TBCD: variants seen among roughly 807,000 people sequenced by gnomAD.
TBCD encodes the protein tubulin folding cofactor D.
A neutral mutation model predicts 169.3 loss-of-function variants in TBCD; 105 were observed. That is an observed-to-expected ratio of 0.62 (90% CI 0.53 to 0.73). TBCD has a LOEUF of 0.73. Ranked by LOEUF, TBCD falls within the 30% of genes least tolerant of loss-of-function variation. TBCD has a pLI of 0.00. For synonymous variants in TBCD, 700 were observed against 643.9 expected (o/e 1.09, Z -1.32); for missense variants, 1,444 against 1,600.1 (o/e 0.90, Z 1.66).
chr17:82,931,504 G>A lies in TBCD; in HGVS notation c.3113+861G>A, dbSNP rs1020979739. The stretch of plus-strand genomic sequence containing the variant: ...GCCGGTCGCTCATTCCTCCGTGCCG[G>A]TCGCTCATTCCGCCTTGCCGTTCGC... On this transcript the variant is annotated intron_variant, in intron 33 of 38. Transcript: ENST00000355528. Among the ~76,000 whole-genome samples the A allele has an allele frequency of 2.6e-5, 4 of 152,248 alleles. No homozygotes were observed. In the South Asian group the frequency reaches 8.3e-4, roughly 32 times the overall value.
intron 13 of TBCD, among the ~76,000 whole-genome samples, chr17:82,815,804 T>G (rs2043240120): frequency 6.6e-6 from 1 of 152,196 alleles, no homozygotes; most frequent in Admixed American, 6.5e-5. Context: ...GCTTTGCACT[T>G]GGCATTTTGA....
At chr17:82,814,559 A>C (rs1320819500) in intron 12 of TBCD, among the ~76,000 whole-genome samples, 1 of 152,200 alleles carries the variant, frequency 6.6e-6, no homozygotes, top group East Asian at 1.9e-4. Context: ...TCTGTCACCC[A>C]GGCTAGAGTG....
At chr17:82,817,023 T>G (rs1393051183) in intron 13 of TBCD, among the ~76,000 whole-genome samples, 1 of 152,206 alleles carries the variant, frequency 6.6e-6, no homozygotes, top group Non-Finnish European at 1.5e-5. Context: ...TAAAAAAATA[T>G]TTTTTTAATT....
intron 9 of TBCD, among the ~76,000 whole-genome samples, chr17:82,803,415 C>T (rs1598596417): frequency 6.6e-6 from 1 of 152,224 alleles, no homozygotes; most frequent in African/African-American, 2.4e-5. Context: ...CTGACAGGTG[C>T]GTCTGAGTCT....
chr17:82,893,838 C>CT (rs2059305138), intron 17 of TBCD, among the ~76,000 whole-genome samples: 1 of 152,202 alleles, frequency 6.6e-6, no homozygotes. Flanking sequence ...CTTTACTACG[C>CT]TAGATAGGGG....
At chr17:82,809,947 T>C (rs1256396282) in intron 12 of TBCD, among the ~76,000 whole-genome samples, 165 bp downstream of exon 12, 3 of 152,236 alleles carry the variant, frequency 2.0e-5, no homozygotes, top group African/African-American at 7.2e-5. Context: ...TTGTTATTTC[T>C]GGTATGTTGC....
intron 37 of TBCD, among the ~76,000 whole-genome samples, chr17:82,940,870 C>T (rs1314570759): frequency 2.0e-5 from 3 of 152,018 alleles, no homozygotes; most frequent in East Asian, 1.9e-4. Flanking sequence ...GAGGCTGGGT[C>T]GGGGTGGCCT....
chr17:82,771,080 GAAA>G (rs1212711480), intron 5 of TBCD, among the ~76,000 whole-genome samples: 1 of 140,220 alleles, frequency 7.1e-6, no homozygotes, highest in East Asian at 2.0e-4. Context: ...GCCTGCCCCA[GAAA>G]AAAAGATCTT....
intron 7 of TBCD, among the ~76,000 whole-genome samples, chr17:82,788,973 T>A (rs1433181822): frequency 6.6e-6 from 1 of 152,204 alleles, no homozygotes; most frequent in East Asian, 1.9e-4. Flanking sequence ...TTGATTTCTC[T>A]TCAGATTTGG....
chr17:82,939,066 C>T (rs141523560), intron 36 of TBCD: 8 of 472,196 alleles, frequency 1.7e-5, no homozygotes, highest in Admixed American at 7.1e-5. Flanking sequence ...AGAGAGCAGG[C>T]GAGATTGCTT....
chr17:82,843,150 T>G (rs2054672343), intron 13 of TBCD, among the ~76,000 whole-genome samples: 1 of 152,192 alleles, frequency 6.6e-6, no homozygotes, highest in Non-Finnish European at 1.5e-5. Context: ...TGATTCCTGA[T>G]TCTTTCTCTC....
intron 14 of TBCD, among the ~76,000 whole-genome samples, chr17:82,875,635 C>A (rs1416993283): frequency 6.6e-6 from 1 of 152,192 alleles, no homozygotes; most frequent in East Asian, 1.9e-4. Context: ...GCCTGCAGAT[C>A]CGAGATCTCT....
chr17:82,813,454 G>A (rs1483994685), intron 12 of TBCD, among the ~76,000 whole-genome samples: 1 of 152,124 alleles, frequency 6.6e-6, no homozygotes, highest in Non-Finnish European at 1.5e-5. Flanking sequence ...CCATGGACAG[G>A]GTCCCCTGTC....
chr17:82,783,914 C>G (rs572298926), intron 7 of TBCD, among the ~76,000 whole-genome samples: 57 of 152,100 alleles, frequency 3.7e-4, no homozygotes, highest in Non-Finnish European at 8.2e-4. Context: ...TACTTGAGGT[C>G]GGGAGTTCGA....
At chr17:82,883,869 G>T (rs748346270) in intron 14 of TBCD, among the ~76,000 whole-genome samples, 9 of 152,314 alleles carry the variant, frequency 5.9e-5, no homozygotes, top group African/African-American at 2.2e-4. Flanking sequence ...CCCTGTCCTC[G>T]TGGCTCTTTG....
At chr17:82,790,626 C>T (rs867050927) in intron 7 of TBCD, among the ~76,000 whole-genome samples, 1 of 152,154 alleles carries the variant, frequency 6.6e-6, no homozygotes, top group Admixed American at 6.5e-5. Flanking sequence ...CCCGTGGGAC[C>T]CCTGTGCACC....
chr17:82,911,648 G>A (rs1022952603), intron 22 of TBCD, 110 bp from the exon 23 acceptor site: 1 of 1,096,108 alleles, frequency 9.1e-7, no homozygotes, highest in Non-Finnish European at 1.4e-6. Context: ...CATTCAACTA[G>A]TTCTCATTTT....
At chr17:82,870,183 G>T in intron 13 of TBCD, 41 bp from the exon 14 acceptor site, 1 of 1,610,596 alleles carries the variant, frequency 6.2e-7, no homozygotes. Context: ...TGTTGCCCGT[G>T]TGGTCTGCTC....
intron 19 of TBCD, among the ~76,000 whole-genome samples, chr17:82,904,330 C>T (rs530361332): frequency 3.3e-5 from 5 of 151,204 alleles, no homozygotes; most frequent in Admixed American, 1.3e-4. Context: ...ACCTGCCACA[C>T]GACACTCCTT....
Sources: gnomAD v4.1 joint callset for allele counts (sites outside exome capture counted in the v4.1 genomes callset) on GRCh38, gnomAD v4.1.1 for gene constraint, MANE v1.5 for transcripts, NCBI Gene and HGNC (gene_info 2026-07-23, HGNC 2026-07-21) for gene names.